TAOK3: variants seen among roughly 807,000 people sequenced by gnomAD.
TAOK3 encodes TAO kinase 3.
In TAOK3, 40 loss-of-function variants were observed where a neutral mutation model predicts 120.4. The observed-to-expected ratio is 0.33, with a 90% CI of 0.26 to 0.43. TAOK3 has a LOEUF of 0.43. Ranked by LOEUF, TAOK3 falls within the 20% of genes least tolerant of loss-of-function variation. The pLI, the probability that TAOK3 is intolerant of heterozygous loss-of-function variation, is 1.00. For missense variants in TAOK3, 821 were observed against 1,112.1 expected, an observed-to-expected ratio of 0.74 and a Z score of 3.72; for synonymous variants, 355 against 387.5, an observed-to-expected ratio of 0.92 and a Z score of 0.99.
intron 14 of TAOK3, among the ~76,000 whole-genome samples, chr12:118,182,788 A>C (rs1232692683): frequency 6.6e-6 from 1 of 151,762 alleles, no homozygotes; most frequent in African/African-American, 2.4e-5. Flanking sequence ...AAATGTTACC[A>C]AATTATAATA....
intron 9 of TAOK3, among the ~76,000 whole-genome samples, chr12:118,221,342 G>A (rs776645819): frequency 3.9e-4 from 60 of 152,134 alleles, no homozygotes; most frequent in Non-Finnish European, 7.4e-5. Flanking sequence ...TCCTGCCTCA[G>A]CCTCCTGAGT....
chr12:118,274,022 T>C (rs986133966), intron 1 of TAOK3, among the ~76,000 whole-genome samples: 3 of 152,100 alleles, frequency 2.0e-5, no homozygotes, highest in Non-Finnish European at 4.4e-5. Context: ...ATATAGTATC[T>C]TTTTCGAAGT....
intron 9 of TAOK3, among the ~76,000 whole-genome samples, chr12:118,217,811 G>GTGTATATA (rs1353848789): frequency 5.3e-5 from 4 of 75,402 alleles, no homozygotes; most frequent in Non-Finnish European, 7.7e-5. Context: ...GTGTGTGTGT[G>GTGTATATA]TATACATATA....
At chr12:118,239,619 A>G (rs149454319) in intron 5 of TAOK3, among the ~76,000 whole-genome samples, 73 of 152,338 alleles carry the variant, frequency 4.8e-4, no homozygotes, top group African/African-American at 1.7e-3. Flanking sequence ...TAAATTTGTA[A>G]CTCAGAAAGT....
intron 10 of TAOK3, among the ~76,000 whole-genome samples, chr12:118,213,690 T>C (rs966623381): frequency 2.6e-5 from 4 of 151,944 alleles, no homozygotes; most frequent in African/African-American, 9.7e-5. Flanking sequence ...TGAGAAGTGA[T>C]ATCAGCTGAG....
At chr12:118,303,240 CCT>C (rs1298017524) in intron 1 of TAOK3, among the ~76,000 whole-genome samples, 2 of 152,166 alleles carry the variant, frequency 1.3e-5, no homozygotes, top group African/African-American at 4.8e-5. Context: ...TTATCCTCCT[CCT>C]CTGTTTTTTT....
chr12:118,244,281 T>C (rs1156663188), intron 4 of TAOK3, among the ~76,000 whole-genome samples: 1 of 152,034 alleles, frequency 6.6e-6, no homozygotes, highest in African/African-American at 2.4e-5. Context: ...CAGGCTTGTC[T>C]TGAGCTCCTG....
chr12:118,205,534 T>C (rs1403335724), intron 11 of TAOK3, among the ~76,000 whole-genome samples: 1 of 152,128 alleles, frequency 6.6e-6, no homozygotes, highest in Non-Finnish European at 1.5e-5. Flanking sequence ...TTTTCTGGTG[T>C]CCTACTACCA....
chr12:118,223,097 T>C (rs1033795708), intron 9 of TAOK3, among the ~76,000 whole-genome samples: 5 of 143,194 alleles, frequency 3.5e-5, no homozygotes, highest in Non-Finnish European at 6.0e-5. Flanking sequence ...TGAGACGCAG[T>C]CTCGCACTGT....
chr12:118,202,999 T>G (rs1432531329), intron 11 of TAOK3, among the ~76,000 whole-genome samples: 1 of 151,880 alleles, frequency 6.6e-6, no homozygotes, highest in Non-Finnish European at 1.5e-5. Context: ...TGGCTGGTCT[T>G]AAACTCCTGA....
intron 15 of TAOK3, among the ~76,000 whole-genome samples, chr12:118,177,982 T>C (rs1242399924): frequency 1.3e-5 from 2 of 152,146 alleles, no homozygotes; most frequent in African/African-American, 4.8e-5. Flanking sequence ...GGTCTCGCTC[T>C]GTCGCTCAGG....
intron 1 of TAOK3, among the ~76,000 whole-genome samples, chr12:118,360,481 T>C (rs947945665): frequency 1.4e-5 from 2 of 141,770 alleles, no homozygotes; most frequent in Non-Finnish European, 3.0e-5. Flanking sequence ...GGCAGGAGAA[T>C]GGCGTGAACC....
intron 9 of TAOK3, among the ~76,000 whole-genome samples, chr12:118,219,770 C>CT (rs35568926): frequency 0.46 from 26,974 of 58,944 alleles, 8,386 homozygotes; most frequent in Non-Finnish European, 0.52. Flanking sequence ...ACTTTTTTGG[C>CT]TTTTTTTTTT....
chr12:118,186,095 A>T (rs540326122), intron 14 of TAOK3, among the ~76,000 whole-genome samples: 2 of 152,342 alleles, frequency 1.3e-5, no homozygotes, highest in African/African-American at 4.8e-5. Context: ...GGTGCATTTT[A>T]AAAACTCCAA....
chr12:118,163,436 A>G (rs2035351500), intron 17 of TAOK3, among the ~76,000 whole-genome samples: 1 of 96,120 alleles, frequency 1.0e-5, no homozygotes, highest in Non-Finnish European at 2.1e-5. Flanking sequence ...ATACAGGGAC[A>G]TACTTTTTTT....
chr12:118,219,942 T>G (rs2039147574), intron 9 of TAOK3, among the ~76,000 whole-genome samples: 1 of 150,672 alleles, frequency 6.6e-6, no homozygotes, highest in Non-Finnish European at 1.5e-5. Context: ...CTTCCTTCCT[T>G]CTTTCCTCCC....
chr12:118,318,317 C>A (rs2043558946), intron 1 of TAOK3, among the ~76,000 whole-genome samples: 1 of 151,998 alleles, frequency 6.6e-6, no homozygotes, highest in Non-Finnish European at 1.5e-5. Context: ...ACCACCACGC[C>A]CAGCTAATTT....
chr12:118,162,477 TG>T (rs2035283986), intron 17 of TAOK3, among the ~76,000 whole-genome samples: 1 of 152,156 alleles, frequency 6.6e-6, no homozygotes, highest in South Asian at 2.1e-4. Flanking sequence ...TATAACTGTC[TG>T]GGGTGGGAGC....
In TAOK3 at chr12:118,219,245, G is replaced by A. The variant is rs908364187; in HGVS notation, c.644-5135C>T. 2.6e-5 allele frequency among the ~76,000 whole-genome samples: 4 copies of A among 151,846 alleles called. No homozygotes were observed. The East Asian group carries it at 7.7e-4, about 29-fold the overall frequency. Reference sequence around the variant, plus strand: ...CTTTTGCTCCCTAAACTTTATCTGGGTACATCTTTTTGTGTATGTGTGTGT... The same window carrying A: ...CTTTTGCTCCCTAAACTTTATCTGGATACATCTTTTTGTGTATGTGTGTGT... On this transcript the variant is annotated intron_variant, in intron 9 of 20. Coordinates refer to ENST00000392533, the MANE Select transcript of TAOK3 (RefSeq NM_016281.4).
Sources: allele counts gnomAD v4.1 joint callset (sites outside exome capture counted in the v4.1 genomes callset), GRCh38; gene constraint gnomAD v4.1.1; transcripts MANE v1.5; gene names NCBI Gene and HGNC (gene_info 2026-07-23, HGNC 2026-07-21).